Variants in USP48 observed in about 807,000 individuals in gnomAD.
USP48 encodes ubiquitin specific peptidase 48.
Under a neutral mutation model 150.7 loss-of-function variants are expected in USP48, and 43 were observed. The ratio of observed to expected loss-of-function variants is 0.29; its 90% confidence interval spans 0.22 to 0.37. The LOEUF (loss-of-function observed/expected upper bound fraction) is 0.37. USP48 is among the 10% of genes least tolerant of loss of function. The pLI is 1.00. For synonymous variants in USP48, 396 were observed against 425.9 expected, an observed-to-expected ratio of 0.93 and a Z score of 0.86; for missense variants, 813 against 1,249.6, an observed-to-expected ratio of 0.65 and a Z score of 5.27.
intron 23 of USP48, among the ~76,000 whole-genome samples, chr1:21,691,647 T>C (rs1244067581): frequency 2.0e-5 from 3 of 152,288 alleles, no homozygotes; most frequent in Admixed American, 6.5e-5. Flanking sequence ...AAATAAATCA[T>C]ACATACATTC....
intron 9 of USP48, among the ~76,000 whole-genome samples, chr1:21,734,515 C>T (rs193034234): frequency 3.9e-5 from 6 of 152,258 alleles, no homozygotes; most frequent in Admixed American, 6.5e-5. Flanking sequence ...GCATATGCCT[C>T]GAAAGCAAAT....
At chr1:21,777,191 A>G (rs1296127123) in intron 1 of USP48, among the ~76,000 whole-genome samples, 1 of 151,532 alleles carries the variant, frequency 6.6e-6, no homozygotes, top group African/African-American at 2.4e-5. Context: ...GGGATGCTGA[A>G]GTAGGAGGAT....
chr1:21,773,254 CAAAAAA>C (rs60704662), intron 1 of USP48, among the ~76,000 whole-genome samples: 1 of 66,170 alleles, frequency 1.5e-5, no homozygotes, highest in African/African-American at 5.5e-5. Flanking sequence ...GACTCGGTCT[CAAAAAA>C]AAAAAAAAAA....
At chr1:21,766,689 T>TA (rs2097863047) in intron 1 of USP48, among the ~76,000 whole-genome samples, 2 of 152,284 alleles carry the variant, frequency 1.3e-5, no homozygotes, top group South Asian at 4.1e-4. Flanking sequence ...GTTTCTTAGT[T>TA]TTTATTTATT....
chr1:21,744,396 G>C (rs575948729), intron 8 of USP48, among the ~76,000 whole-genome samples: 2 of 150,616 alleles, frequency 1.3e-5, no homozygotes, highest in East Asian at 3.9e-4. Flanking sequence ...GCAGTGAGTC[G>C]AAATTGCACC....
At chr1:21,781,682 C>G (rs960955993) in intron 1 of USP48, among the ~76,000 whole-genome samples, 2 of 152,178 alleles carry the variant, frequency 1.3e-5, no homozygotes, top group African/African-American at 4.8e-5. Context: ...TGCAGTGAGC[C>G]GAGCTCGTGA....
chr1:21,721,996 T>A (rs2097722189), intron 12 of USP48, among the ~76,000 whole-genome samples: 1 of 152,144 alleles, frequency 6.6e-6, no homozygotes, highest in Non-Finnish European at 1.5e-5. Context: ...TTGTATTACA[T>A]TAAAAGTATC....
At chr1:21,772,090 T>C (rs2097882458) in intron 1 of USP48, among the ~76,000 whole-genome samples, 1 of 152,020 alleles carries the variant, frequency 6.6e-6, no homozygotes, top group Non-Finnish European at 1.5e-5. Flanking sequence ...GATCCCTACC[T>C]CAATCCATAA....
intron 4 of USP48, 39 bp downstream of exon 4, chr1:21,752,953 C>T (rs756036722): frequency 1.3e-6 from 2 of 1,549,316 alleles, no homozygotes; most frequent in Non-Finnish European, 1.7e-6. Flanking sequence ...GTTTGGGTAC[C>T]TCTGAATATT....
intron 23 of USP48, among the ~76,000 whole-genome samples, chr1:21,694,602 AAAAAACC>A (rs2097619171): frequency 2.6e-5 from 2 of 76,282 alleles, no homozygotes; most frequent in African/African-American, 7.0e-5. Context: ...AAAAAAAAAA[AAAAAACC>A]CCCTCTATCT....
chr1:21,709,582 CT>C (rs908944387), intron 15 of USP48, among the ~76,000 whole-genome samples: 4 of 138,198 alleles, frequency 2.9e-5, no homozygotes, highest in African/African-American at 1.0e-4. Flanking sequence ...CCTTTTTATG[CT>C]TTAAAAAAAA....
At chr1:21,698,931 C>T (rs1334485563) in intron 22 of USP48, among the ~76,000 whole-genome samples, 1 of 152,002 alleles carries the variant, frequency 6.6e-6, no homozygotes, top group Non-Finnish European at 1.5e-5. Context: ...GATTATTAAG[C>T]CATACTACCA....
At chr1:21,728,191 A>C (rs944306670) in intron 11 of USP48, 2 of 999,164 alleles carry the variant, frequency 2.0e-6, no homozygotes, top group South Asian at 9.3e-5. Flanking sequence ...ATGTCTGTTA[A>C]AACTGTTAGG....
chr1:21,751,888 C>T (rs1427865402), intron 5 of USP48, among the ~76,000 whole-genome samples: 3 of 151,840 alleles, frequency 2.0e-5, no homozygotes, highest in South Asian at 2.1e-4. Context: ...TGTGGTGGCG[C>T]GTTCCTGTAA....
chr1:21,753,463 G>C (rs1440281920), intron 3 of USP48, among the ~76,000 whole-genome samples: 1 of 150,474 alleles, frequency 6.6e-6, no homozygotes, highest in Non-Finnish European at 1.5e-5. Flanking sequence ...GCTGAGACAC[G>C]AGCATCTATT....
intron 17 of USP48, 115 bp from the exon 18 acceptor site, chr1:21,706,302 C>T (rs2097672434): frequency 6.1e-6 from 9 of 1,481,330 alleles, no homozygotes; most frequent in Non-Finnish European, 8.3e-6. Context: ...AATGAAAACA[C>T]AGTCCTCTAC....
At position 21,756,578 on chromosome 1, in the gene USP48, T is replaced by C. The variant is rs771648946; in HGVS notation, c.380A>G (p.Tyr127Cys). 3 of 1,592,608 alleles carry C rather than the reference T, an allele frequency of 1.9e-6. No individual in the cohort carries two copies. In the East Asian group the frequency reaches 6.9e-5, roughly 37 times the overall value. ...TTCTTGGATGCCGTCTCCCAGCATG[T>C]AGTCACTACAAGTGCTTGGACATAA... ...LYLCPSTCSD[Y>C]MLGDGIQEEK... Residue 127 changes from tyrosine (Y) to cysteine (C), a missense_variant, in exon 3 of 27, where the codon TAC (tyrosine) becomes TGC (cysteine). Tyr to Cys is a radical substitution (Grantham distance 194). Transcript: ENST00000308271.
rs1187291467 is a variant in USP48 at position 21,783,042 on chromosome 1, C to G, written c.-85G>C. 11 of 1,407,674 alleles carry G rather than the reference C, an allele frequency of 7.8e-6. No individual in the cohort carries two copies. The highest frequency in any genetic ancestry group is 8.3e-6 in the Non-Finnish European group (9 of 1,090,780). 87.2% of individuals were successfully genotyped at this position (1,407,674 alleles called of 1,614,324 possible). On this transcript the variant is annotated 5_prime_UTR_variant, in exon 1 of 27. Transcript: ENST00000308271. The stretch of plus-strand genomic sequence containing the variant: ...ACCGCCGCCCCAATGGGCTTCGCCA[C>G]CTGCCAGCAAGGAGGACCTGGCGCT...
chr1:21,753,574 C>T (rs2097822840), intron 3 of USP48, among the ~76,000 whole-genome samples: 1 of 152,034 alleles, frequency 6.6e-6, no homozygotes, highest in South Asian at 2.1e-4. Context: ...CACTCGTAAT[C>T]CCCGCACTTT....
Sources: allele counts gnomAD v4.1 joint callset (sites outside exome capture counted in the v4.1 genomes callset), GRCh38; gene constraint gnomAD v4.1.1; transcripts MANE v1.5; gene names NCBI Gene and HGNC (gene_info 2026-07-23, HGNC 2026-07-21).